Variants in CCDC178 observed in about 807,000 individuals in gnomAD.
CCDC178 encodes the protein coiled-coil domain-containing protein 178.
CCDC178 carries 126 observed loss-of-function variants against 117.4 expected under a neutral mutation model. The ratio of observed to expected loss-of-function variants is 1.07; its 90% CI spans 0.93 to 1.24. The LOEUF is 1.24. Among genes scored for constraint, CCDC178 ranks in the 50% most tolerant of loss-of-function variants. The pLI, the probability that CCDC178 is intolerant of heterozygous loss-of-function variation, is 0.00. For synonymous variants in CCDC178, 283 were observed against 313.4 expected (o/e 0.90, Z 1.02); for missense variants, 1,030 against 986.9 (o/e 1.04, Z -0.59).
chr18:33,250,552 A>G (rs1209304733), intron 14 of CCDC178, among the ~76,000 whole-genome samples: 1 of 151,756 alleles, frequency 6.6e-6, no homozygotes, highest in Non-Finnish European at 1.5e-5. Context: ...ACAAGGTAAA[A>G]GTAGATAATA....
intron 20 of CCDC178, among the ~76,000 whole-genome samples, chr18:33,186,991 A>G (rs1367654750): frequency 6.6e-6 from 1 of 150,996 alleles, no homozygotes; most frequent in Non-Finnish European, 1.5e-5. Flanking sequence ...TATAAAGGTA[A>G]GCGGTTTAAT....
intron 20 of CCDC178, among the ~76,000 whole-genome samples, chr18:33,093,369 G>A (rs763138990): frequency 1.3e-5 from 2 of 151,492 alleles, no homozygotes; most frequent in Non-Finnish European, 2.9e-5. Context: ...TCAGAATGTT[G>A]GTACCCACAG....
chr18:33,235,296 A>G (rs534337811), intron 15 of CCDC178, among the ~76,000 whole-genome samples: 89 of 152,216 alleles, frequency 5.8e-4, no homozygotes, highest in African/African-American at 2.1e-3. Context: ...CCCCACCCCC[A>G]GTATGATTAT....
intron 20 of CCDC178, among the ~76,000 whole-genome samples, chr18:33,197,823 C>CT (rs1269712782): frequency 1.3e-5 from 2 of 152,056 alleles, no homozygotes; most frequent in Admixed American, 6.6e-5. Context: ...CATTCATTGT[C>CT]TTTTTCCATA....
intron 2 of CCDC178, among the ~76,000 whole-genome samples, chr18:33,418,346 T>C (rs2063974735): frequency 6.6e-6 from 1 of 152,046 alleles, no homozygotes; most frequent in Non-Finnish European, 1.5e-5. Flanking sequence ...CTCAAAATAA[T>C]AAGAGCCATC....
intron 15 of CCDC178, among the ~76,000 whole-genome samples, chr18:33,234,168 A>G (rs2059400024): frequency 6.6e-6 from 1 of 152,150 alleles, no homozygotes; most frequent in Non-Finnish European, 1.5e-5. Context: ...TGTGTCAGGA[A>G]AAATGAACTC....
At chr18:33,312,462 T>C (rs1422191433) in intron 11 of CCDC178, among the ~76,000 whole-genome samples, 2 of 152,136 alleles carry the variant, frequency 1.3e-5, no homozygotes, top group Non-Finnish European at 2.9e-5. Flanking sequence ...ACCCAGCTCA[T>C]GAGGCCCCAG....
intron 22 of CCDC178, among the ~76,000 whole-genome samples, chr18:32,959,134 T>C (rs1397751947): frequency 1.3e-5 from 2 of 152,276 alleles, no homozygotes; most frequent in South Asian, 2.1e-4. Context: ...TGGATTCTAG[T>C]TGGTTTTGTC....
intron 20 of CCDC178, among the ~76,000 whole-genome samples, chr18:33,192,240 T>G (rs1568045449): frequency 6.6e-6 from 1 of 152,138 alleles, no homozygotes; most frequent in Non-Finnish European, 1.5e-5. Flanking sequence ...TAGCAGAGTT[T>G]AATATAGTAT....
At position 33,293,914 on chromosome 18, in the gene CCDC178, T is replaced by C. The variant is rs185403960; in HGVS notation, c.1023-602A>G. On this transcript the variant is annotated intron_variant, in intron 11 of 22. Coordinates refer to ENST00000383096, the MANE Select transcript of CCDC178 (RefSeq NM_001105528.4). Reference sequence around the variant, plus strand: ...TTGAATCTGATTTCAGGTAAGAGATTTATACACTTTTAATTCAGAAGCTGG... The same window carrying C: ...TTGAATCTGATTTCAGGTAAGAGATCTATACACTTTTAATTCAGAAGCTGG... Among the ~76,000 whole-genome samples the C allele has an allele frequency of 1.4e-4, 21 of 152,160 alleles. No homozygotes were observed. The East Asian group carries it at 3.9e-3, about 28-fold the overall frequency.
intron 20 of CCDC178, among the ~76,000 whole-genome samples, chr18:33,093,623 T>C (rs1359694256): frequency 6.6e-6 from 1 of 151,920 alleles, no homozygotes; most frequent in Non-Finnish European, 1.5e-5. Context: ...ATTGGCAAAT[T>C]GGGGGCTATC....
At chr18:33,093,231 C>T (rs894376422) in intron 20 of CCDC178, among the ~76,000 whole-genome samples, 6 of 151,970 alleles carry the variant, frequency 3.9e-5, no homozygotes, top group African/African-American at 1.4e-4. Context: ...GGTGCCCAGT[C>T]CTGGGACCCT....
chr18:33,221,533 G>C (rs2059234571), intron 18 of CCDC178, among the ~76,000 whole-genome samples: 2 of 152,070 alleles, frequency 1.3e-5, no homozygotes, highest in Non-Finnish European at 2.9e-5. Context: ...CGTCCCTTGG[G>C]AGTGATGAGG....
intron 21 of CCDC178, among the ~76,000 whole-genome samples, chr18:33,055,117 T>C (rs1430692730): frequency 6.6e-6 from 1 of 152,246 alleles, no homozygotes; most frequent in Non-Finnish European, 1.5e-5. Flanking sequence ...TACTTTTTAA[T>C]GCTTTTTTTT....
At chr18:33,008,633 T>C (rs570356965) in intron 21 of CCDC178, among the ~76,000 whole-genome samples, 1 of 152,174 alleles carries the variant, frequency 6.6e-6, no homozygotes, top group African/African-American at 2.4e-5. Context: ...TCAAAATTGT[T>C]GTATAAGCTG....
At chr18:33,425,111 A>G (rs1035326680) in intron 2 of CCDC178, among the ~76,000 whole-genome samples, 4 of 152,218 alleles carry the variant, frequency 2.6e-5, no homozygotes. Context: ...AAAGTAAAAA[A>G]TAAAATAGTG....
chr18:33,215,253 T>A (rs1229515205), intron 19 of CCDC178, among the ~76,000 whole-genome samples: 2 of 151,952 alleles, frequency 1.3e-5, no homozygotes, highest in African/African-American at 4.8e-5. Flanking sequence ...TACTGATACA[T>A]CTGAAAGTAA....
intron 9 of CCDC178, among the ~76,000 whole-genome samples, chr18:33,341,928 A>G (rs2062822034): frequency 6.6e-6 from 1 of 152,240 alleles, no homozygotes; most frequent in Non-Finnish European, 1.5e-5. Context: ...CATGGATTAA[A>G]AAAAACTCAG....
chr18:33,295,238 T>C (rs1481879555), intron 11 of CCDC178, among the ~76,000 whole-genome samples: 1 of 152,162 alleles, frequency 6.6e-6, no homozygotes. Context: ...GATGGAATAA[T>C]TACATATTCA....
Sources: allele counts gnomAD v4.1 joint callset (sites outside exome capture counted in the v4.1 genomes callset), GRCh38; gene constraint gnomAD v4.1.1; transcripts MANE v1.5; gene names NCBI Gene and HGNC (gene_info 2026-07-23, HGNC 2026-07-21).